Variants in EPM2A observed in about 807,000 individuals in gnomAD.
EPM2A encodes the protein laforin.
A neutral mutation model predicts 26.5 loss-of-function variants in EPM2A; 21 were observed. The observed-to-expected ratio is 0.79, with a 90% CI of 0.56 to 1.14. EPM2A has a LOEUF of 1.14. Among genes scored for constraint, EPM2A ranks in the 50% most tolerant of loss-of-function variants. The probability of loss-of-function intolerance (pLI) is 0.00; values close to 1 mark genes in which losing one functional copy is unlikely to be tolerated. For missense variants in EPM2A, 458 were observed against 440.8 expected (o/e 1.04, Z -0.35); for synonymous variants, 217 against 177.6 (o/e 1.22, Z -1.76).
At chr6:145,574,882 C>T (rs1307107963) in intron 2 of EPM2A, among the ~76,000 whole-genome samples, 6 of 152,150 alleles carry the variant, frequency 3.9e-5, no homozygotes, top group African/African-American at 1.4e-4. Flanking sequence ...TTATTCCACA[C>T]CCTTAATATC....
intron 2 of EPM2A, among the ~76,000 whole-genome samples, chr6:145,577,993 C>A (rs1781058003): frequency 6.6e-6 from 1 of 151,954 alleles, no homozygotes; most frequent in African/African-American, 2.4e-5. Context: ...TTAAAAATTT[C>A]TTGAATCAAA....
At chr6:145,387,842 G>A (rs9376923) in intron 4 of EPM2A, among the ~76,000 whole-genome samples, 40,085 of 151,814 alleles carry the variant, frequency 0.26, 5,656 homozygotes, top group Non-Finnish European at 0.32. Context: ...CAAGTGCCAA[G>A]TTATGGTACA....
chr6:145,665,654 A>C (rs1779120092), intron 2 of EPM2A, among the ~76,000 whole-genome samples: 1 of 146,782 alleles, frequency 6.8e-6, no homozygotes, highest in South Asian at 2.2e-4. Flanking sequence ...ATCCTCCCTA[A>C]CTCATTTTAT....
chr6:145,387,843 T>G (rs1056028378), intron 4 of EPM2A, among the ~76,000 whole-genome samples: 1 of 151,686 alleles, frequency 6.6e-6, no homozygotes, highest in Non-Finnish European at 1.5e-5. Context: ...AAGTGCCAAG[T>G]TATGGTACAA....
At chr6:145,494,992 T>C (rs1779798312) in intron 4 of EPM2A, among the ~76,000 whole-genome samples, 1 of 152,234 alleles carries the variant, frequency 6.6e-6, no homozygotes. Context: ...GTTCTGTAGA[T>C]ACCTATCGGG....
chr6:145,710,098 A>G (rs1775222221), intron 1 of EPM2A, among the ~76,000 whole-genome samples: 1 of 152,124 alleles, frequency 6.6e-6, no homozygotes, highest in South Asian at 2.1e-4. Context: ...AATGGCAACA[A>G]AAGCCAAAAT....
chr6:145,552,319 G>A (rs1294804765), intron 2 of EPM2A, among the ~76,000 whole-genome samples: 1 of 151,914 alleles, frequency 6.6e-6, no homozygotes, highest in Non-Finnish European at 1.5e-5. Flanking sequence ...ATTGCAAAAT[G>A]ACAAAGAAGA....
intron 4 of EPM2A, among the ~76,000 whole-genome samples, chr6:145,431,844 G>C (rs1462948900): frequency 6.6e-6 from 1 of 152,128 alleles, no homozygotes; most frequent in East Asian, 1.9e-4. Context: ...ACCCACAATA[G>C]AACTTCTTTT....
At chr6:145,581,856 A>G (rs1219007611) in intron 2 of EPM2A, among the ~76,000 whole-genome samples, 1 of 152,170 alleles carries the variant, frequency 6.6e-6, no homozygotes, top group African/African-American at 2.4e-5. Flanking sequence ...ACAGTGGAAT[A>G]GATAACCGTA....
chr6:145,537,989 A>G (rs1281106908), intron 2 of EPM2A, among the ~76,000 whole-genome samples: 1 of 152,016 alleles, frequency 6.6e-6, no homozygotes, highest in Non-Finnish European at 1.5e-5. Flanking sequence ...CATTTTCTTT[A>G]TCCAGTCTAT....
At chr6:145,535,704 A>G (rs1780421804) in intron 2 of EPM2A, among the ~76,000 whole-genome samples, 1 of 152,270 alleles carries the variant, frequency 6.6e-6, no homozygotes, top group East Asian at 1.9e-4. Flanking sequence ...TTCTACAGTT[A>G]GAAGTTCTTA....
intron 2 of EPM2A, among the ~76,000 whole-genome samples, chr6:145,647,700 A>AAAGGGGAAGGGG (rs201085299): frequency 1.3e-5 from 2 of 151,834 alleles, no homozygotes; most frequent in African/African-American, 2.4e-5. Context: ...AGGGAAAGGG[A>AAAGGGGAAGGGG]AAGGGGAAGG....
At chr6:145,469,015 C>T (rs1017303411) in intron 4 of EPM2A, among the ~76,000 whole-genome samples, 3 of 152,048 alleles carry the variant, frequency 2.0e-5, no homozygotes, top group Non-Finnish European at 4.4e-5. Context: ...CATTTTCATA[C>T]AGCTATAAAG....
intron 2 of EPM2A, among the ~76,000 whole-genome samples, chr6:145,589,051 C>A (rs1347523526): frequency 1.3e-5 from 2 of 152,160 alleles, no homozygotes; most frequent in Admixed American, 6.5e-5. Context: ...CTGCCCCAAC[C>A]CTGGCTGTGA....
chr6:145,645,145 A>G (rs777372957), intron 2 of EPM2A, among the ~76,000 whole-genome samples: 1 of 152,196 alleles, frequency 6.6e-6, no homozygotes, highest in South Asian at 2.1e-4. Context: ...ATTTAAGATC[A>G]TCTCTTCTAA....
At chr6:145,434,023 T>TA (rs1296177213) in intron 4 of EPM2A, among the ~76,000 whole-genome samples, 2 of 151,898 alleles carry the variant, frequency 1.3e-5, no homozygotes, top group Admixed American at 6.6e-5. Context: ...TTTCTTTTTT[T>TA]AAAAAAAATC....
At chr6:145,649,316 G>A (rs1777707792) in intron 2 of EPM2A, among the ~76,000 whole-genome samples, 1 of 152,112 alleles carries the variant, frequency 6.6e-6, no homozygotes, top group Non-Finnish European at 1.5e-5. Context: ...ACTATAAAAT[G>A]GGATTAATGC....
At chr6:145,593,232 C>T (rs959725945) in intron 2 of EPM2A, among the ~76,000 whole-genome samples, 1 of 151,964 alleles carries the variant, frequency 6.6e-6, no homozygotes, top group African/African-American at 2.4e-5. Flanking sequence ...ATGATAAAGG[C>T]CTATTCTCCA....
chr6:145,453,614 A>C (rs1272524840), intron 4 of EPM2A, among the ~76,000 whole-genome samples: 1 of 152,184 alleles, frequency 6.6e-6, no homozygotes, highest in East Asian at 1.9e-4. Context: ...GAATTTCCTG[A>C]GGAAACTATT....
Sources: gnomAD v4.1 joint callset for allele counts (sites outside exome capture counted in the v4.1 genomes callset) on GRCh38, gnomAD v4.1.1 for gene constraint, MANE v1.5 for transcripts, NCBI Gene and HGNC (gene_info 2026-07-23, HGNC 2026-07-21) for gene names.